DGKI: variants seen among roughly 807,000 people sequenced by gnomAD.
DGKI encodes DAG kinase iota.
A neutral mutation model predicts 147.5 loss-of-function variants in DGKI; 55 were observed. That is an observed-to-expected ratio of 0.37 (90% CI 0.30 to 0.47). The LOEUF (loss-of-function observed/expected upper bound fraction) is 0.47. DGKI is among the 20% of genes least tolerant of loss of function. DGKI has a pLI of 1.00. For missense variants in DGKI, 1,007 were observed against 1,323.8 expected (o/e 0.76, Z 3.71); for synonymous variants, 469 against 477.1 (o/e 0.98, Z 0.22).
chr7:137,449,326 T>G (rs1340112253), intron 27 of DGKI, among the ~76,000 whole-genome samples: 1 of 152,058 alleles, frequency 6.6e-6, no homozygotes, highest in African/African-American at 2.4e-5. Flanking sequence ...AGCCGGAAAA[T>G]AAATCTACAT....
intron 27 of DGKI, among the ~76,000 whole-genome samples, chr7:137,451,701 A>T (rs1468249535): frequency 2.6e-5 from 4 of 152,204 alleles, no homozygotes; most frequent in Non-Finnish European, 4.4e-5. Context: ...TATCTGGTAT[A>T]ATATACTTTA....
intron 23 of DGKI, 149 bp downstream of exon 23, chr7:137,485,225 A>G (rs1815510993): frequency 3.0e-6 from 2 of 676,186 alleles, no homozygotes; most frequent in African/African-American, 1.8e-5. Context: ...GAAAATGCAA[A>G]AGAATCAGAA....
chr7:137,644,005 C>T (rs1049505885), intron 6 of DGKI, among the ~76,000 whole-genome samples: 1 of 152,128 alleles, frequency 6.6e-6, no homozygotes, highest in African/African-American at 2.4e-5. Flanking sequence ...CTGTTACCCT[C>T]ACATGCATGC....
chr7:137,621,488 C>G lies in DGKI; in HGVS notation c.877-1548G>C, dbSNP rs865965030. On this transcript the variant is annotated intron_variant, in intron 7 of 32. Transcript: ENST00000614521. ...GGTCCCAAACCCCATATTCTTTCTC[C>G]TGTACCATAAAGGGTCACATATTTA... 3.3e-5 allele frequency among the ~76,000 whole-genome samples: 5 copies of G among 152,336 alleles called. No individual in the cohort carries two copies. The South Asian group carries it at 1.0e-3, about 32-fold the overall frequency.
chr7:137,587,077 T>C lies in DGKI; in HGVS notation c.1425+20A>G, dbSNP rs759268778. ...GTTTGTTGTTTGATGATATGGGCAG[T>C]CCCCGAGAGCAGTTCTTACCCCTCC... On this transcript the variant is annotated intron_variant, in intron 13 of 32. Coordinates refer to ENST00000614521, the MANE Select transcript of DGKI (RefSeq NM_001321708.2). 2 of 1,543,406 alleles carry C rather than the reference T, an allele frequency of 1.3e-6. No homozygotes were observed. The highest frequency in any genetic ancestry group is 1.8e-6 in the Non-Finnish European group (2 of 1,142,758).
At chr7:137,549,258 G>T (rs1296941531) in intron 20 of DGKI, among the ~76,000 whole-genome samples, 1 of 152,144 alleles carries the variant, frequency 6.6e-6, no homozygotes, top group African/African-American at 2.4e-5. Flanking sequence ...TAAGATATTT[G>T]GGTATGAGTC....
At position 137,395,139 on chromosome 7, in the gene DGKI, T is replaced by C. The variant is rs539397232; in HGVS notation, c.3057+459A>G. On this transcript the variant is annotated intron_variant, in intron 32 of 32. Transcript: ENST00000614521. ...ATCTCAAAGCCAGATCCTACCATCC[T>C]GGGAGCTGGGAAAGAATCCCTTTGG... 1.6e-3 allele frequency among the ~76,000 whole-genome samples: 240 copies of C among 152,336 alleles called. 2 individuals carry two copies. Among genetic ancestry groups the C allele is most frequent in the African/African-American group, 5.6e-3 (231 of 41,580 alleles).
intron 1 of DGKI, among the ~76,000 whole-genome samples, chr7:137,749,717 G>A (rs944068737): frequency 6.6e-6 from 1 of 152,142 alleles, no homozygotes; most frequent in Non-Finnish European, 1.5e-5. Flanking sequence ...CAGGGTCCCT[G>A]AGTTTAATCA....
chr7:137,407,398 C>T (rs754559053), intron 30 of DGKI, among the ~76,000 whole-genome samples: 12 of 151,880 alleles, frequency 7.9e-5, no homozygotes, highest in South Asian at 2.1e-4. Context: ...GAGAATAAAG[C>T]GTAACTTGGG....
intron 3 of DGKI, among the ~76,000 whole-genome samples, chr7:137,666,404 AAAACAAACACAC>A (rs1822642331): frequency 2.6e-5 from 4 of 152,154 alleles, no homozygotes; most frequent in Admixed American, 1.3e-4. Flanking sequence ...TTCTGTCTCT[AAAACAAACACAC>A]AAACAAACAA....
At chr7:137,743,581 A>G (rs1451792978) in intron 1 of DGKI, among the ~76,000 whole-genome samples, 1 of 152,224 alleles carries the variant, frequency 6.6e-6, no homozygotes, top group African/African-American at 2.4e-5. Context: ...ATTATTTGAA[A>G]CAAATGAAAA....
At chr7:137,539,446 A>G (rs2128960385) in intron 20 of DGKI, among the ~76,000 whole-genome samples, 1 of 152,268 alleles carries the variant, frequency 6.6e-6, no homozygotes, top group Non-Finnish European at 1.5e-5. Flanking sequence ...CTGTAAATAC[A>G]TGAATCTAGC....
chr7:137,677,707 A>C (rs1446428003), intron 3 of DGKI, among the ~76,000 whole-genome samples: 1 of 152,154 alleles, frequency 6.6e-6, no homozygotes, highest in African/African-American at 2.4e-5. Context: ...TATTTCTTTC[A>C]CATAATAAAC....
At chr7:137,581,748 G>T in intron 15 of DGKI, 102 bp downstream of exon 15, 1 of 963,796 alleles carries the variant, frequency 1.0e-6, no homozygotes, top group Non-Finnish European at 1.6e-6. Context: ...CAACACTGAA[G>T]CACACTGTAA....
chr7:137,846,609 C>A lies in DGKI; in HGVS notation c.254G>T (p.Gly85Val). 1 of 1,098,572 alleles carries A rather than the reference C, an allele frequency of 9.1e-7. No homozygotes were observed. The highest frequency in any genetic ancestry group is 1.1e-6 in the Non-Finnish European group (1 of 908,222). The allele number at this position is 1,098,572 out of a possible 1,614,324, so 68.1% of individuals were successfully genotyped here. The change falls in exon 1 of 33, where the codon GGC (glycine) becomes GTC (valine). Residue 85 changes from glycine (G) to valine (V), a missense_variant. By Grantham distance (109) the Gly-to-Val change is moderately radical. This residue lies in a region of DGKI where 137 missense variants were observed against 114.4 expected (regional missense o/e 1.20). Transcript: ENST00000614521. The surrounding 1 kb of genome is among the most constrained non-coding windows in gnomAD (Gnocchi z 4.0). Reference sequence around the variant, plus strand: ...CCCTGCGCCCCGCGGGTCCGCGCCGCCCTCGGCGCCCAGGCAGCAGCTCCC... The same window carrying A: ...CCCTGCGCCCCGCGGGTCCGCGCCGACCTCGGCGCCCAGGCAGCAGCTCCC... ...GAGSCCLGAE[G>V]GADPRGAGSA...
At chr7:137,627,218 C>T (rs1585302337) in intron 6 of DGKI, among the ~76,000 whole-genome samples, 1 of 152,188 alleles carries the variant, frequency 6.6e-6, no homozygotes, top group African/African-American at 2.4e-5. Flanking sequence ...ATAACCTCAA[C>T]TCACTGTGAC....
At chr7:137,570,593 A>AT (rs199646642) in intron 19 of DGKI, among the ~76,000 whole-genome samples, 9,428 of 143,274 alleles carry the variant, frequency 0.066, 391 homozygotes, top group East Asian at 0.12. Context: ...CTATAGTGTA[A>AT]TTTTTTTTTT....
intron 20 of DGKI, among the ~76,000 whole-genome samples, chr7:137,540,590 G>A (rs1179286200): frequency 6.6e-6 from 1 of 151,918 alleles, no homozygotes; most frequent in Non-Finnish European, 1.5e-5. Flanking sequence ...GGAGGCTGAG[G>A]TGGGAAGATC....
At chr7:137,780,478 T>C (rs1275143924) in intron 1 of DGKI, among the ~76,000 whole-genome samples, 3 of 152,136 alleles carry the variant, frequency 2.0e-5, no homozygotes, top group Admixed American at 6.6e-5. Context: ...GCACAGCTGT[T>C]TATCTAAGGG....
Sources: gnomAD v4.1 joint callset for allele counts (sites outside exome capture counted in the v4.1 genomes callset) on GRCh38, gnomAD v4.1.1 for gene constraint, gnomAD v4.1.1 regional missense constraint, Gnocchi (gnomAD v3.1) non-coding constraint, MANE v1.5 for transcripts, NCBI Gene and HGNC (gene_info 2026-07-23, HGNC 2026-07-21) for gene names.